VWF: variants seen among roughly 807,000 people sequenced by gnomAD.
The protein encoded by VWF is von Willebrand factor.
A neutral mutation model predicts 308.6 loss-of-function variants in VWF; 176 were observed. The ratio of observed to expected loss-of-function variants is 0.57; its 90% CI spans 0.50 to 0.65. VWF has a LOEUF of 0.65. VWF is among the 30% of genes least tolerant of loss of function. VWF has a pLI of 0.00. For synonymous variants in VWF, 1,385 were observed against 1,443.4 expected (o/e 0.96, Z 0.92); for missense variants, 3,146 against 3,648.2 (o/e 0.86, Z 3.55).
At chr12:5,972,441 A>G (rs1943487117) in intron 43 of VWF, among the ~76,000 whole-genome samples, 2 of 152,232 alleles carry the variant, frequency 1.3e-5, no homozygotes, top group South Asian at 4.1e-4. Flanking sequence ...CCCAGGAGCC[A>G]AGAGAAAAGA....
chr12:6,012,016 T>C (rs1944001436), intron 33 of VWF, 71 bp downstream of exon 33: 4 of 1,576,706 alleles, frequency 2.5e-6, no homozygotes, highest in Non-Finnish European at 3.5e-6. Context: ...GGAGGAAAAA[T>C]TAACCAGTGG....
intron 11 of VWF, 118 bp from the exon 12 acceptor site, chr12:6,064,502 C>T: frequency 1.4e-6 from 2 of 1,438,682 alleles, no homozygotes; most frequent in Non-Finnish European, 1.9e-6. Flanking sequence ...CTTCTCATAA[C>T]CTACAACTCC....
chr12:6,054,597 C>T (rs1484858343), intron 15 of VWF, among the ~76,000 whole-genome samples: 2 of 152,162 alleles, frequency 1.3e-5, no homozygotes, highest in Admixed American at 1.3e-4. Flanking sequence ...TATGCTAGGC[C>T]CAGGGAGGCA....
chr12:6,000,944 G>A (rs527423996), intron 34 of VWF, among the ~76,000 whole-genome samples: 4 of 151,578 alleles, frequency 2.6e-5, no homozygotes, highest in East Asian at 1.9e-4. Flanking sequence ...AAACTAAAAC[G>A]AAGAATGGAA....
chr12:5,999,506 CT>C (rs2136391849), intron 34 of VWF, among the ~76,000 whole-genome samples: 1 of 131,120 alleles, frequency 7.6e-6, no homozygotes, highest in South Asian at 2.6e-4. Context: ...ACACACACCA[CT>C]AAGGAAATGA....
chr12:6,087,242 C>T (rs1048757573), intron 6 of VWF, among the ~76,000 whole-genome samples: 3 of 151,598 alleles, frequency 2.0e-5, no homozygotes, highest in Non-Finnish European at 4.4e-5. Flanking sequence ...TAGCTTCGAA[C>T]GGGCATACAA....
intron 34 of VWF, among the ~76,000 whole-genome samples, chr12:6,004,574 A>C (rs1284703982): frequency 6.6e-6 from 1 of 152,110 alleles, no homozygotes; most frequent in East Asian, 1.9e-4. Flanking sequence ...AAAATTGACA[A>C]AAAAGAAAAA....
At position 6,064,255 on chromosome 12, in the gene VWF, G is replaced by A. The variant is rs751311885; in HGVS notation, c.1423C>T (p.Leu475Phe). The A allele has an allele frequency of 1.9e-6, 3 of 1,614,152 alleles. No homozygotes were observed. The Admixed American group carries it at 5.0e-5, about 27-fold the overall frequency. ...AMDGQDVQLP[L>F]LKGDLRIQHT... ...GCAGGACGAAGCATACCTTTCAGGA[G>A]GGGGAGCTGGACGTCCTGGCCATCC... The change falls in exon 12 of 52, where the codon CTC becomes TTC. Residue 475 changes from leucine (L) to phenylalanine (F), a missense_variant. Physicochemically the swap from Leu to Phe is conservative, Grantham distance 22. Transcript: ENST00000261405.
rs1422300468 is a variant in VWF, at chr12:5,998,485, AAAAAAAAAAAAAAATATATATATAT to A, written c.5843-2288_5843-2264del. The stretch of plus-strand genomic sequence containing the variant: ...TCCGTCAAAAAAAAAAAAAAAAAAA[AAAAAAAAAAAAAAATATATATATAT>A]ATATATATATATATATATATATATG... On this transcript the variant is annotated intron_variant, in intron 34 of 51. Transcript: ENST00000261405. 6.3e-4 allele frequency among the ~76,000 whole-genome samples: 38 copies of A among 60,288 alleles called. No homozygotes were observed. The East Asian group carries it at 9.0e-3, about 14-fold the overall frequency. The allele number at this position is 60,288 out of a possible 152,430, so 39.6% of individuals were successfully genotyped here. A position where few individuals can be genotyped will look rare whatever the true frequency, so the allele number is the denominator to read the frequency against.
chr12:6,033,685 C>G (rs1944298378), intron 20 of VWF, among the ~76,000 whole-genome samples: 1 of 152,212 alleles, frequency 6.6e-6, no homozygotes, highest in Non-Finnish European at 1.5e-5. Flanking sequence ...CTGGGCCAGC[C>G]CGGGTGTGAG....
rs140522210 is a variant in VWF at position 6,021,769 on chromosome 12, TAAAC to T, written c.3674+127_3674+130del. 15,687 of 1,117,978 alleles carry T rather than the reference TAAAC, an allele frequency of 0.014. 1,483 individuals carry two copies. The African/African-American group carries it at 0.21, about 15-fold the overall frequency. The allele number at this position is 1,117,978 out of a possible 1,614,324, so 69.3% of individuals were successfully genotyped here. ...TACATTAAATAATGAATTAAATAAA[TAAAC>T]AAATAAAATAAACTCAGTCTCTCAA... On this transcript the variant is annotated intron_variant, in intron 27 of 51. Transcript: ENST00000261405.
rs757915054 is a variant in VWF at position 5,971,622 on chromosome 12, C to A, written c.7525G>T (p.Asp2509Tyr). The A allele has an allele frequency of 3.1e-6, 5 of 1,613,834 alleles. No homozygotes were observed. Among genetic ancestry groups the A allele is most frequent in the South Asian group, 2.2e-5 (2 of 91,090 alleles). Residue 2509 changes from aspartate to tyrosine, a missense_variant, in exon 44 of 52, where the codon GAC becomes TAC. Around this residue, in one of 3 missense-constraint regions of VWF, gnomAD observed 989 missense variants for 1,117.4 expected, o/e 0.89. Coordinates refer to ENST00000261405, the MANE Select transcript of VWF (RefSeq NM_000552.5). The part of the protein sequence containing the change: ...CEVVTGSPRG[D>Y]SQSSWKSVGS... ...ACACTCTTCCAGGAAGACTGGGAGT[C>A]CCCCCGCGGTGAGCCAGTCACCACC... is the stretch of plus-strand genomic sequence containing the variant.
chr12:6,051,295 T>TCC (rs1320040240), intron 16 of VWF, among the ~76,000 whole-genome samples: 18 of 35,600 alleles, frequency 5.1e-4, no homozygotes, highest in African/African-American at 5.1e-4. Flanking sequence ...TCTTTTTTTT[T>TCC]TTTTTTTTTT....
chr12:5,967,379 A>G, intron 47 of VWF, 107 bp downstream of exon 47: 1 of 957,496 alleles, frequency 1.0e-6, no homozygotes, highest in South Asian at 1.3e-5. Context: ...GTTTATAATC[A>G]GAAAATAATG....
At chr12:5,980,028 G>A (rs531712634) in intron 42 of VWF, among the ~76,000 whole-genome samples, 63 of 140,922 alleles carry the variant, frequency 4.5e-4, no homozygotes, top group Middle Eastern at 3.6e-3. Flanking sequence ...GCGACAGAGC[G>A]AGACTCCATC....
At chr12:6,093,064 T>C (rs898552503) in intron 6 of VWF, among the ~76,000 whole-genome samples, 3 of 152,040 alleles carry the variant, frequency 2.0e-5, no homozygotes, top group African/African-American at 7.2e-5. Flanking sequence ...GCCACAACTC[T>C]GAATAAGAAA....
Position 5,951,282 on chromosome 12 carries a change from G to A in VWF, c.8155+562C>T, listed in dbSNP as rs118158649. Among the ~76,000 whole-genome samples the A allele has an allele frequency of 2.8e-3, 424 of 152,250 alleles. 1 individual carries two copies. Among genetic ancestry groups the A allele is most frequent in the Middle Eastern group, 0.01 (3 of 294 alleles). ...GAACCAATCAGTAGGACATAACTAC[G>A]AGGTAAAGAGGAGCTCAGAGTGAAG... is the stretch of plus-strand genomic sequence containing the variant. On this transcript the variant is annotated intron_variant, in intron 50 of 51. Coordinates refer to ENST00000261405, the MANE Select transcript of VWF (RefSeq NM_000552.5).
chr12:6,084,721 C>A (rs902134667), intron 6 of VWF, among the ~76,000 whole-genome samples: 3 of 152,162 alleles, frequency 2.0e-5, no homozygotes, highest in Admixed American at 6.5e-5. Flanking sequence ...TATTGTTCCA[C>A]AAGCCCTGAT....
At chr12:6,032,392 C>A (rs1944275546) in intron 20 of VWF, among the ~76,000 whole-genome samples, 1 of 151,268 alleles carries the variant, frequency 6.6e-6, no homozygotes, top group African/African-American at 2.4e-5. Flanking sequence ...GTAATCCCAG[C>A]ACTTTGGGAG....
Sources: gnomAD v4.1 joint callset for allele counts (sites outside exome capture counted in the v4.1 genomes callset) on GRCh38, gnomAD v4.1.1 for gene constraint, gnomAD v4.1.1 regional missense constraint, MANE v1.5 for transcripts, NCBI Gene and HGNC (gene_info 2026-07-23, HGNC 2026-07-21) for gene names.